LRMDA: variants seen among roughly 807,000 people sequenced by gnomAD.
LRMDA encodes the protein leucine rich melanocyte differentiation associated.
Under a neutral mutation model 29.8 loss-of-function variants are expected in LRMDA, and 18 were observed. The observed-to-expected ratio is 0.60, with a 90% CI of 0.42 to 0.90. The LOEUF is 0.90. LRMDA is among the 40% of genes least tolerant of loss of function. The pLI, the probability that LRMDA is intolerant of heterozygous loss-of-function variation, is 0.00. For synonymous variants in LRMDA, 125 were observed against 109.4 expected (o/e 1.14, Z -0.89); for missense variants, 273 against 273.9 (o/e 1.00, Z 0.02).
At chr10:75,682,837 T>G (rs1842040683) in intron 2 of LRMDA, among the ~76,000 whole-genome samples, 1 of 152,232 alleles carries the variant, frequency 6.6e-6, no homozygotes, top group Middle Eastern at 3.4e-3. Context: ...GACTGGCCTG[T>G]TAAAAGTGGA....
chr10:75,835,930 T>C (rs1844426896), intron 2 of LRMDA, among the ~76,000 whole-genome samples: 1 of 152,218 alleles, frequency 6.6e-6, no homozygotes, highest in East Asian at 1.9e-4. Flanking sequence ...ACTGTTGTTG[T>C]TCTTGCCAGA....
intron 5 of LRMDA, among the ~76,000 whole-genome samples, chr10:76,118,944 C>T (rs1355162811): frequency 6.8e-6 from 1 of 147,126 alleles, no homozygotes; most frequent in Non-Finnish European, 1.5e-5. Context: ...TGCAGCCCCT[C>T]TTTTAGCATT....
intron 6 of LRMDA, among the ~76,000 whole-genome samples, chr10:76,539,077 G>T (rs909235514): frequency 3.3e-5 from 5 of 152,114 alleles, no homozygotes; most frequent in Admixed American, 2.6e-4. Flanking sequence ...TTTAAAAAAG[G>T]TATAACATCC....
intron 5 of LRMDA, among the ~76,000 whole-genome samples, chr10:76,239,171 A>G (rs1180843423): frequency 2.0e-5 from 3 of 152,052 alleles, no homozygotes; most frequent in Non-Finnish European, 2.9e-5. Flanking sequence ...TAGATAGTCA[A>G]TTTGGGTGAT....
intron 2 of LRMDA, among the ~76,000 whole-genome samples, chr10:75,571,330 CCACATTGTGTGGAGAA>C (rs1840435139): frequency 6.6e-6 from 1 of 152,112 alleles, no homozygotes; most frequent in Non-Finnish European, 1.5e-5. Flanking sequence ...CAGTGTTCTG[CCACATTGTGTGGAGAA>C]CACATTGTGT....
intron 2 of LRMDA, among the ~76,000 whole-genome samples, chr10:75,679,126 T>G (rs1448554418): frequency 6.6e-6 from 1 of 152,230 alleles, no homozygotes. Context: ...AAGCACCATT[T>G]GAAACCTGTT....
chr10:75,939,992 A>G lies in LRMDA; in HGVS notation c.132-96016A>G, dbSNP rs186254792. 1.0e-3 allele frequency among the ~76,000 whole-genome samples: 153 copies of G among 152,310 alleles called. 1 individual carries two copies. Among genetic ancestry groups the G allele is most frequent in the Middle Eastern group, 3.4e-3 (1 of 294 alleles). ...CCCCAAATCTGGCAGAGGGTGAGCA[A>G]GAGTTTGGATGAAGAGAACTATGCA... On this transcript the variant is annotated intron_variant, in intron 2 of 6. Transcript: ENST00000611255.
chr10:76,161,327 C>T (rs17445672), intron 5 of LRMDA, among the ~76,000 whole-genome samples: 8,484 of 152,248 alleles, frequency 0.056, 310 homozygotes, highest in Non-Finnish European at 0.082. Context: ...ACACGTTGTA[C>T]TTGAACAGCT....
chr10:75,710,619 T>C (rs1393651175), intron 2 of LRMDA, among the ~76,000 whole-genome samples: 1 of 152,244 alleles, frequency 6.6e-6, no homozygotes, highest in Non-Finnish European at 1.5e-5. Flanking sequence ...CCGCTTCCCC[T>C]GGTCTCTTCT....
chr10:75,527,635 A>G (rs1338721122), intron 2 of LRMDA, among the ~76,000 whole-genome samples: 3 of 149,406 alleles, frequency 2.0e-5, no homozygotes, highest in Non-Finnish European at 4.4e-5. Flanking sequence ...CACCAGTAAC[A>G]TAGAATATGT....
chr10:75,583,402 G>C (rs1840618657), intron 2 of LRMDA, among the ~76,000 whole-genome samples: 1 of 152,192 alleles, frequency 6.6e-6, no homozygotes, highest in African/African-American at 2.4e-5. Context: ...GGCAAAGGAG[G>C]AGCCAGAATT....
Position 75,544,029 on chromosome 10 carries a change from A to G in LRMDA, c.131+105535A>G, listed in dbSNP as rs79661417. Among the ~76,000 whole-genome samples, 782 of 152,292 alleles carry G rather than the reference A, an allele frequency of 5.1e-3. 8 individuals carry two copies. The highest frequency in any genetic ancestry group is 0.018 in the African/African-American group (767 of 41,558). Reference sequence around the variant, plus strand: ...TGTCCATCGTTTCACACCAAGAACCAACTTCAAAGGAGTGCCAGGGACATC... The same window carrying G: ...TGTCCATCGTTTCACACCAAGAACCGACTTCAAAGGAGTGCCAGGGACATC... On this transcript the variant is annotated intron_variant, in intron 2 of 6. Coordinates refer to ENST00000611255, the MANE Select transcript of LRMDA (RefSeq NM_001305581.2).
chr10:75,750,340 A>AC (rs1842943354), intron 2 of LRMDA, among the ~76,000 whole-genome samples: 1 of 151,326 alleles, frequency 6.6e-6, no homozygotes, highest in South Asian at 2.1e-4. Flanking sequence ...TGCTGGGCGG[A>AC]GGGGCTCCTC....
intron 5 of LRMDA, among the ~76,000 whole-genome samples, chr10:76,085,489 G>A (rs892401763): frequency 6.6e-6 from 1 of 152,172 alleles, no homozygotes; most frequent in Non-Finnish European, 1.5e-5. Flanking sequence ...CCAAGATCAA[G>A]TCTGCTCGCC....
At chr10:75,537,547 T>G (rs981947391) in intron 2 of LRMDA, among the ~76,000 whole-genome samples, 1 of 152,208 alleles carries the variant, frequency 6.6e-6, no homozygotes, top group Non-Finnish European at 1.5e-5. Context: ...ATCCTTGCTA[T>G]CAAAGCCTGT....
intron 4 of LRMDA, among the ~76,000 whole-genome samples, chr10:76,052,094 G>A (rs557941901): frequency 1.0e-3 from 157 of 152,346 alleles, no homozygotes; most frequent in Middle Eastern, 3.4e-3. Flanking sequence ...CTTTGTGAAA[G>A]ATTGAGAATG....
chr10:76,108,961 C>T (rs1462875743), intron 5 of LRMDA, among the ~76,000 whole-genome samples: 1 of 152,144 alleles, frequency 6.6e-6, no homozygotes, highest in East Asian at 1.9e-4. Context: ...GATACTTGTT[C>T]TACAATGGGC....
chr10:76,244,946 TTAGCTGTGTGAC>T (rs1852347615), intron 5 of LRMDA, among the ~76,000 whole-genome samples: 1 of 152,134 alleles, frequency 6.6e-6, no homozygotes, highest in Non-Finnish European at 1.5e-5. Context: ...CTGTCCTTGA[TTAGCTGTGTGAC>T]TTTGAGCCAG....
intron 2 of LRMDA, chr10:75,783,050 G>T: frequency 6.2e-7 from 1 of 1,613,714 alleles, no homozygotes; most frequent in Non-Finnish European, 8.5e-7. Flanking sequence ...CTTAATCAAA[G>T]AGTCGGTCTT....
Sources: gnomAD v4.1 joint callset for allele counts (sites outside exome capture counted in the v4.1 genomes callset) on GRCh38, gnomAD v4.1.1 for gene constraint, MANE v1.5 for transcripts, NCBI Gene and HGNC (gene_info 2026-07-23, HGNC 2026-07-21) for gene names.